Variants in ACSL6 observed in about 807,000 individuals in gnomAD.
The protein encoded by ACSL6 is acyl-CoA synthetase long chain family member 6.
In ACSL6, 47 loss-of-function variants were observed where a neutral mutation model predicts 98.2. The observed-to-expected ratio is 0.48, with a 90% confidence interval of 0.38 to 0.61. The LOEUF is 0.61. Among genes scored for constraint, ACSL6 ranks in the 20% least tolerant of loss-of-function variants. The pLI, the probability that ACSL6 is intolerant of heterozygous loss-of-function variation, is 0.00. For missense variants in ACSL6, 761 were observed against 913.4 expected (o/e 0.83, Z 2.15); for synonymous variants, 362 against 336.9 (o/e 1.07, Z -0.82).
intron 8 of ACSL6, among the ~76,000 whole-genome samples, chr5:131,986,619 C>T (rs1754198876): frequency 6.6e-6 from 1 of 152,198 alleles, no homozygotes; most frequent in Admixed American, 6.5e-5. Flanking sequence ...TTCTCCCTCC[C>T]AAATACCTGA....
chr5:132,008,336 T>C (rs1381315048), intron 1 of ACSL6, among the ~76,000 whole-genome samples: 2 of 152,226 alleles, frequency 1.3e-5, no homozygotes, highest in African/African-American at 4.8e-5. Context: ...AGTCTATGCT[T>C]GCCCTAGGCA....
At chr5:131,986,921 T>C in intron 7 of ACSL6, 67 bp from the exon 8 acceptor site, 1 of 1,563,088 alleles carries the variant, frequency 6.4e-7, no homozygotes, top group Non-Finnish European at 8.8e-7. Context: ...TGTCCCTCTG[T>C]CTCTGTCTCT....
At position 131,951,044 on chromosome 5, in the gene ACSL6, T is replaced by C. The variant is rs904947170; in HGVS notation, c.*3190A>G. ...TTGCAAGGGAAGTCTCAATATTATATAAAGACATCTTCCACAGCAAAAGGA... is the reference window on the plus strand; with the variant it reads ...TTGCAAGGGAAGTCTCAATATTATACAAAGACATCTTCCACAGCAAAAGGA... On this transcript the variant is annotated 3_prime_UTR_variant, in exon 21 of 21. Coordinates refer to ENST00000651883, the MANE Select transcript of ACSL6 (RefSeq NM_001009185.3). 1 of 196,562 alleles carries C rather than the reference T, an allele frequency of 5.1e-6. No individual in the cohort carries two copies. The highest frequency in any genetic ancestry group is 2.3e-5 in the African/African-American group (1 of 43,286). 12.2% of individuals were successfully genotyped at this position (196,562 alleles called of 1,614,324 possible).
chr5:132,009,963 G>A (rs911906437), intron 1 of ACSL6, among the ~76,000 whole-genome samples: 2 of 152,138 alleles, frequency 1.3e-5, no homozygotes, highest in Non-Finnish European at 2.9e-5. Flanking sequence ...TAGGGCAAAG[G>A]GGTCCTGGCA....
At chr5:131,986,746 C>A in intron 8 of ACSL6, 76 bp downstream of exon 8, 1 of 1,550,928 alleles carries the variant, frequency 6.4e-7, no homozygotes, top group Non-Finnish European at 8.9e-7. Context: ...CTGTTCTGTG[C>A]ACAGTGAGGG....
intron 4 of ACSL6, 72 bp from the exon 5 acceptor site, chr5:131,989,580 ATTCTTTTTT>A: frequency 7.4e-6 from 3 of 407,694 alleles, no homozygotes; most frequent in Non-Finnish European, 1.3e-5. Flanking sequence ...CCCAGGAGGA[ATTCTTTTTT>A]TTTTTTTTTT....
At chr5:131,988,274 G>A in intron 6 of ACSL6, 48 bp from the exon 7 acceptor site, 1 of 1,601,746 alleles carries the variant, frequency 6.2e-7, no homozygotes. Flanking sequence ...CCCAGGTCAT[G>A]AGTGCAGGCA....
chr5:132,001,637 A>G (rs777776678), intron 1 of ACSL6, among the ~76,000 whole-genome samples: 20 of 152,180 alleles, frequency 1.3e-4, no homozygotes, highest in African/African-American at 2.7e-4. Flanking sequence ...TGATGGTTCA[A>G]TTAAGCCCCT....
Position 131,974,940 on chromosome 5 carries a change from G to A in ACSL6, c.1021C>T (p.Leu341Phe), listed in dbSNP as rs2149726522. 1.9e-6 allele frequency: 3 copies of A among 1,614,146 alleles called. No homozygotes were observed. Among genetic ancestry groups the A allele is most frequent in the Non-Finnish European group, 2.5e-6 (3 of 1,180,016 alleles). Residue 341 changes from leucine (L) to phenylalanine (F), a missense_variant, in exon 11 of 21, where the codon CTC becomes TTC. Coordinates refer to ENST00000651883, the MANE Select transcript of ACSL6 (RefSeq NM_001009185.3). ...KVIFPRQDDV[L>F]ISFLPLAHMF... ...TGAGCCAGAGGCAGGAAGGAGATGA[G>A]CACATCGTCCTGTCTCGGAAAGATC...
intron 1 of ACSL6, chr5:132,006,784 C>T (rs71591999): frequency 2.6e-5 from 4 of 152,246 alleles, no homozygotes; most frequent in Non-Finnish European, 4.4e-5. Context: ...ACTTCTGGAG[C>T]ACCTCCTTCT....
chr5:131,985,297 A>G, intron 9 of ACSL6, 110 bp downstream of exon 9: 1 of 1,392,766 alleles, frequency 7.2e-7, no homozygotes, highest in Non-Finnish European at 1.0e-6. Context: ...GGAACAAGAC[A>G]AGGCTCAGCC....
chr5:132,007,975 C>T (rs769845891), intron 1 of ACSL6, among the ~76,000 whole-genome samples: 8 of 152,206 alleles, frequency 5.3e-5, no homozygotes, highest in Non-Finnish European at 1.0e-4. Flanking sequence ...TCCTTATAAC[C>T]ACAAGGGACA....
In ACSL6 at chr5:131,960,433, C is replaced by A. The variant is rs1040162690; in HGVS notation, c.1959+87G>T. ...AGAAATTTCGTACGAGCTCGAATTT[C>A]ACTGGTCTACAACTTTTCTGTCTTC... On this transcript the variant is annotated intron_variant, in intron 19 of 20. Coordinates refer to ENST00000651883, the MANE Select transcript of ACSL6 (RefSeq NM_001009185.3). The A allele has an allele frequency of 4.7e-6, 5 of 1,069,338 alleles. No individual in the cohort carries two copies. In the African/African-American group the frequency reaches 6.5e-5, roughly 14 times the overall value. 66.2% of individuals were successfully genotyped at this position (1,069,338 alleles called of 1,614,324 possible).
intron 3 of ACSL6, 98 bp from the exon 4 acceptor site, chr5:131,990,262 T>C (rs1431554638): frequency 2.4e-6 from 3 of 1,237,806 alleles, no homozygotes; most frequent in African/African-American, 1.5e-5. Flanking sequence ...TCCCATACTG[T>C]AGTGTGTCCA....
intron 9 of ACSL6, among the ~76,000 whole-genome samples, chr5:131,977,232 G>A (rs1351200742): frequency 6.6e-6 from 1 of 152,210 alleles, no homozygotes; most frequent in Non-Finnish European, 1.5e-5. Context: ...AGCCCTTCCT[G>A]CCTGCTCCTT....
At chr5:131,993,712 G>A in intron 2 of ACSL6, 1 of 327,724 alleles carries the variant, frequency 3.1e-6, no homozygotes, top group South Asian at 3.1e-5. Context: ...CTACCAGGAA[G>A]CTCCTCAAGA....
chr5:131,972,653 T>A, intron 13 of ACSL6, 71 bp downstream of exon 13: 7 of 1,564,744 alleles, frequency 4.5e-6, no homozygotes, highest in Non-Finnish European at 6.1e-6. Context: ...GATGAACTTC[T>A]CCAGTTCTCC....
intron 16 of ACSL6, 71 bp downstream of exon 16, chr5:131,967,869 A>T: frequency 1.5e-6 from 2 of 1,354,618 alleles, no homozygotes; most frequent in Non-Finnish European, 2.1e-6. Flanking sequence ...AAATCATTCC[A>T]TCCCTACTGT....
intron 8 of ACSL6, among the ~76,000 whole-genome samples, chr5:131,986,041 T>C (rs1754159505): frequency 6.6e-6 from 1 of 152,158 alleles, no homozygotes; most frequent in Non-Finnish European, 1.5e-5. Context: ...ACAGTTGAGT[T>C]GAGATGGAAG....
Sources: gnomAD v4.1 joint callset for allele counts (sites outside exome capture counted in the v4.1 genomes callset) on GRCh38, gnomAD v4.1.1 for gene constraint, MANE v1.5 for transcripts, NCBI Gene and HGNC (gene_info 2026-07-23, HGNC 2026-07-21) for gene names.